TNPO3: variants seen among roughly 807,000 people sequenced by gnomAD.
TNPO3 encodes transportin 3, also known as transportin-3.
Under a neutral mutation model 122.8 loss-of-function variants are expected in TNPO3, and 65 were observed. That is an observed-to-expected ratio of 0.53 (90% CI 0.43 to 0.65). TNPO3 has a LOEUF of 0.65. TNPO3 is among the 30% of genes least tolerant of loss of function. TNPO3 has a pLI of 0.00. For synonymous variants in TNPO3, 372 were observed against 411.2 expected (o/e 0.90, Z 1.15); for missense variants, 850 against 1,136.7 (o/e 0.75, Z 3.63).
At chr7:129,007,085 C>T (rs1802656577) in intron 4 of TNPO3, among the ~76,000 whole-genome samples, 1 of 152,196 alleles carries the variant, frequency 6.6e-6, no homozygotes, top group South Asian at 2.1e-4. Context: ...GCAACATTTA[C>T]TGAGCCCTTT....
chr7:128,986,209 C>CTTAA (rs1800128644), intron 12 of TNPO3, among the ~76,000 whole-genome samples: 1 of 152,176 alleles, frequency 6.6e-6, no homozygotes, highest in South Asian at 2.1e-4. Flanking sequence ...TTCCCCTAGC[C>CTTAA]TTAATATCTC....
intron 1 of TNPO3, among the ~76,000 whole-genome samples, chr7:129,024,393 C>G (rs970410558): frequency 6.6e-5 from 10 of 152,156 alleles, no homozygotes; most frequent in Non-Finnish European, 1.3e-4. Flanking sequence ...CAATCAGCAT[C>G]CTGGATGCTG....
At chr7:128,987,054 A>G in intron 11 of TNPO3, 134 bp from the exon 12 acceptor site, 1 of 857,558 alleles carries the variant, frequency 1.2e-6, no homozygotes, top group South Asian at 2.0e-5. Context: ...TGTGTTCAGA[A>G]CCACAATAAA....
intron 4 of TNPO3, 21 bp from the exon 5 acceptor site, chr7:129,005,180 A>G (rs775714213): frequency 6.3e-7 from 1 of 1,597,254 alleles, no homozygotes; most frequent in Non-Finnish European, 8.6e-7. Flanking sequence ...AAAAAAACTT[A>G]AAATGAATAA....
chr7:128,977,734 C>G (rs955445424), intron 16 of TNPO3, among the ~76,000 whole-genome samples: 7 of 152,150 alleles, frequency 4.6e-5, no homozygotes, highest in Non-Finnish European at 8.8e-5. Flanking sequence ...ATAGCTGGGA[C>G]TACAGGCGCC....
At chr7:128,987,837 C>T (rs917436814) in intron 11 of TNPO3, among the ~76,000 whole-genome samples, 12 of 152,102 alleles carry the variant, frequency 7.9e-5, no homozygotes, top group Admixed American at 7.9e-4. Flanking sequence ...CCTCAGCCTC[C>T]CAAAGTGCTG....
intron 1 of TNPO3, 71 bp downstream of exon 1, chr7:129,054,580 T>C (rs1253148535): frequency 6.3e-7 from 1 of 1,592,630 alleles, no homozygotes; most frequent in African/African-American, 1.3e-5. Context: ...CGGGCTCAGG[T>C]TCTCCCCCGG....
At chr7:129,025,970 G>C (rs969355023) in intron 1 of TNPO3, among the ~76,000 whole-genome samples, 1 of 151,640 alleles carries the variant, frequency 6.6e-6, no homozygotes, top group Non-Finnish European at 1.5e-5. Flanking sequence ...TGCTAAAAAT[G>C]CAAAAATTAG....
At chr7:129,026,656 G>A (rs1021734586) in intron 1 of TNPO3, among the ~76,000 whole-genome samples, 1 of 151,780 alleles carries the variant, frequency 6.6e-6, no homozygotes, top group Non-Finnish European at 1.5e-5. Context: ...TGCCCGCCTT[G>A]GTCTCCCAAA....
chr7:128,978,648 A>G (rs1799319641), intron 16 of TNPO3, among the ~76,000 whole-genome samples: 1 of 152,304 alleles, frequency 6.6e-6, no homozygotes, highest in South Asian at 2.1e-4. Flanking sequence ...TTTTTGTTCT[A>G]AAGGCTCCTA....
At chr7:128,971,017 C>T (rs1274041740) in intron 19 of TNPO3, 1 of 151,464 alleles carries the variant, frequency 6.6e-6, no homozygotes, top group African/African-American at 2.4e-5. Flanking sequence ...CTGGGTAACA[C>T]AGCCGGAACC....
chr7:128,993,850 T>G lies in TNPO3; in HGVS notation c.1223A>C (p.Lys408Thr), dbSNP rs1364389933. 9 of 1,613,936 alleles carry G rather than the reference T, an allele frequency of 5.6e-6. No individual in the cohort carries two copies. Among genetic ancestry groups the G allele is most frequent in the Non-Finnish European group, 7.6e-6 (9 of 1,180,014 alleles). Residue 408 changes from lysine to threonine, a missense_variant, in exon 9 of 23, where the codon AAG becomes ACG. Transcript: ENST00000265388. ...AGACCCTATCAAGAAAATCAAGTCC[T>G]TTACCAGGTCTGATACCCTCATGCG... ...EFRMRVSDLV[K>T]DLIFLIGSME...
intron 8 of TNPO3, among the ~76,000 whole-genome samples, chr7:128,996,607 G>A (rs1432624831): frequency 6.6e-6 from 1 of 151,944 alleles, no homozygotes; most frequent in Non-Finnish European, 1.5e-5. Context: ...GCCTGGCATG[G>A]TGGCGGGTGC....
chr7:128,972,125 A>T (rs546695924), intron 19 of TNPO3, among the ~76,000 whole-genome samples: 1 of 152,368 alleles, frequency 6.6e-6, no homozygotes, highest in Admixed American at 6.5e-5. Context: ...TTTCAAAAAC[A>T]AATGAAAAAC....
rs557446971 is a variant in TNPO3 at position 129,005,271 on chromosome 7, G to A, written c.553-112C>T. 4.8e-5 allele frequency: 50 copies of A among 1,031,630 alleles called. No homozygotes were observed. The South Asian group carries it at 6.9e-4, about 14-fold the overall frequency. The allele number at this position is 1,031,630 out of a possible 1,614,324, so 63.9% of individuals were successfully genotyped here. A position where few individuals can be genotyped will look rare whatever the true frequency, so the allele number is the denominator to read the frequency against. Reference sequence around the variant, plus strand: ...GAAAGATGGCAATAAAACAGCCAACGGTTAAAAGTGCTTTTTAAGTTTAAG... The same window carrying A: ...GAAAGATGGCAATAAAACAGCCAACAGTTAAAAGTGCTTTTTAAGTTTAAG... On this transcript the variant is annotated intron_variant, in intron 4 of 22. Transcript: ENST00000265388.
chr7:128,978,890 C>G, intron 16 of TNPO3, 93 bp downstream of exon 16: 1 of 1,494,452 alleles, frequency 6.7e-7, no homozygotes, highest in African/African-American at 1.4e-5. Context: ...CATAGGCCTC[C>G]CAAAGTGCTG....
At chr7:128,970,834 T>C (rs1279968849) in intron 19 of TNPO3, 1 of 152,460 alleles carries the variant, frequency 6.6e-6, no homozygotes, top group Non-Finnish European at 1.5e-5. Context: ...GCTATACCAA[T>C]TGGGTGCCTG....
At chr7:128,998,376 T>C (rs1801568383) in intron 7 of TNPO3, among the ~76,000 whole-genome samples, 1 of 152,064 alleles carries the variant, frequency 6.6e-6, no homozygotes, top group Non-Finnish European at 1.5e-5. Context: ...TATATATATT[T>C]TCTTTAGAGA....
rs545515006 is a variant in TNPO3, at chr7:129,026,164, A to G, written c.121-8007T>C. Among the ~76,000 whole-genome samples, 38 of 151,900 alleles carry G rather than the reference A, an allele frequency of 2.5e-4. No individual in the cohort carries two copies. In the South Asian group the frequency reaches 4.2e-3, roughly 17 times the overall value. On this transcript the variant is annotated intron_variant, in intron 1 of 22. Coordinates refer to ENST00000265388, the MANE Select transcript of TNPO3 (RefSeq NM_012470.4). ...AAAAAAATTGTGCAGAAACTAAATG[A>G]CAGAAAACACCAACCATATCATTCT...
Sources: allele counts gnomAD v4.1 joint callset (sites outside exome capture counted in the v4.1 genomes callset), GRCh38; gene constraint gnomAD v4.1.1; transcripts MANE v1.5; gene names NCBI Gene and HGNC (gene_info 2026-07-23, HGNC 2026-07-21).